BNC1: variants seen among roughly 807,000 people sequenced by gnomAD.
BNC1 encodes the protein zinc finger protein basonuclin-1.
Under a neutral mutation model 66.5 loss-of-function variants are expected in BNC1, and 8 were observed. The observed-to-expected ratio is 0.12, with a 90% CI of 0.07 to 0.22. BNC1 has a LOEUF of 0.22. BNC1 is among the 10% of genes least tolerant of loss of function. The pLI is 1.00. For missense variants in BNC1, 1,069 were observed against 1,241.3 expected, an observed-to-expected ratio of 0.86 and a Z score of 2.09; for synonymous variants, 454 against 452.6, an observed-to-expected ratio of 1.00 and a Z score of -0.04.
Position 83,263,181 on chromosome 15 carries a change from C to T in BNC1, c.2070G>A (p.Arg690=). The change falls in exon 4 of 5, where the codon AGG becomes AGA. Residue 690 remains arginine (R), a synonymous_variant. Coordinates refer to ENST00000345382, the MANE Select transcript of BNC1 (RefSeq NM_001717.4). ...CTTCAAGACAAGGAAAAGCCATTCC[C>T]CTGTTGGACAAAGCACTGAAGAGTC... ...AGGLFSALSN[R]GMAFPCLEDS... is the part of the protein sequence containing the mutation. 6.2e-7 allele frequency: 1 copy of T among 1,614,208 alleles called. No homozygotes were observed. The highest frequency in any genetic ancestry group is 8.5e-7 in the Non-Finnish European group (1 of 1,180,038).
intron 1 of BNC1, chr15:83,283,260 C>G: frequency 6.5e-7 from 1 of 1,534,428 alleles, no homozygotes; most frequent in South Asian, 1.2e-5. Context: ...ATCAGATCTC[C>G]TTCACTCGCC....
chr15:83,275,824 G>A (rs1807052251), intron 1 of BNC1, among the ~76,000 whole-genome samples: 1 of 152,132 alleles, frequency 6.6e-6, no homozygotes, highest in East Asian at 1.9e-4. Flanking sequence ...AGGTGTCAGA[G>A]ACCACTGTGC....
chr15:83,266,956 G>A lies in BNC1; in HGVS notation c.315C>T (p.Pro105=), dbSNP rs140144251. The A allele has an allele frequency of 1.6e-4, 257 of 1,614,108 alleles. 2 individuals are homozygous for A. The African/African-American group carries it at 2.4e-3, about 15-fold the overall frequency. ...GGTCCAGTAGGATTTTTAGGCGAACGGGGATGGCCTGGGTCCCATAGAGCA... is the reference window on the plus strand; with the variant it reads ...GGTCCAGTAGGATTTTTAGGCGAACAGGGATGGCCTGGGTCCCATAGAGCA... ...SLMLYGTQAI[P]VRLKILLDRL... is the part of the protein sequence containing the mutation. Residue 105 remains proline (P), a synonymous_variant, in exon 3 of 5, where the codon CCC becomes CCT. Coordinates refer to ENST00000345382, the MANE Select transcript of BNC1 (RefSeq NM_001717.4).
intron 3 of BNC1, among the ~76,000 whole-genome samples, chr15:83,265,608 C>T (rs952472257): frequency 5.3e-5 from 8 of 152,132 alleles, no homozygotes; most frequent in African/African-American, 1.2e-4. Context: ...TATGTCCTAA[C>T]GTAAGGTCAT....
chr15:83,281,150 C>T (rs973894259), intron 1 of BNC1, among the ~76,000 whole-genome samples: 3 of 152,100 alleles, frequency 2.0e-5, no homozygotes, highest in African/African-American at 4.8e-5. Context: ...GGCATGTGTC[C>T]GTGCAGAGAA....
rs2038085437 is a variant in BNC1 at position 83,257,367 on chromosome 15, G to A, written c.*75C>T. The A allele has an allele frequency of 6.9e-7, 1 of 1,458,916 alleles. No homozygotes were observed. The highest frequency in any genetic ancestry group is 1.4e-5 in the African/African-American group (1 of 70,272). The allele number at this position is 1,458,916 out of a possible 1,614,324, so 90.4% of individuals were successfully genotyped here. A position where few individuals can be genotyped will look rare whatever the true frequency, so the allele number is the denominator to read the frequency against. ...GACTCGCCCCAAATGATATGAAACA[G>A]AAACATTTCTATGGACTACTTTATT... On this transcript the variant is annotated 3_prime_UTR_variant, in exon 5 of 5. Coordinates refer to ENST00000345382, the MANE Select transcript of BNC1 (RefSeq NM_001717.4).
Position 83,281,686 on chromosome 15 carries a change from T to C in BNC1, c.99+2844A>G, listed in dbSNP as rs76415858. Among the ~76,000 whole-genome samples the C allele has an allele frequency of 3.9e-3, 601 of 152,312 alleles. 6 individuals are homozygous for C. Among genetic ancestry groups the C allele is most frequent in the South Asian group, 0.027 (128 of 4,822 alleles). ...GCTAAAAGACACTTCTGCCCCCCACTCCATAAGCTGCAGTTTAATTTTACT... is the reference window on the plus strand; with the variant it reads ...GCTAAAAGACACTTCTGCCCCCCACCCCATAAGCTGCAGTTTAATTTTACT... On this transcript the variant is annotated intron_variant, in intron 1 of 4. Coordinates refer to ENST00000345382, the MANE Select transcript of BNC1 (RefSeq NM_001717.4).
At position 83,256,074 on chromosome 15, in the gene BNC1, A is replaced by G. The variant is rs1414067324; in HGVS notation, c.*1368T>C. On this transcript the variant is annotated 3_prime_UTR_variant, in exon 5 of 5. Transcript: ENST00000345382. The stretch of plus-strand genomic sequence containing the variant: ...CACTTATTAAAACAAAAAAAGCTGA[A>G]ATAATTGGTAACAGGTTGTTGGCTT... The G allele has an allele frequency of 6.6e-6, 1 of 152,602 alleles. No individual in the cohort carries two copies. Among genetic ancestry groups the G allele is most frequent in the African/African-American group, 2.4e-5 (1 of 41,460 alleles). 9.5% of individuals were successfully genotyped at this position (152,602 alleles called of 1,614,324 possible).
chr15:83,284,233 A>C (rs2038418647), intron 1 of BNC1, among the ~76,000 whole-genome samples: 1 of 151,762 alleles, frequency 6.6e-6, no homozygotes, highest in Admixed American at 6.6e-5. Flanking sequence ...GCCGATTTCC[A>C]CAGGCTGGCC....
chr15:83,274,935 A>C (rs188779243), intron 1 of BNC1, among the ~76,000 whole-genome samples: 2 of 152,342 alleles, frequency 1.3e-5, no homozygotes, highest in Admixed American at 1.3e-4. Context: ...TTATGGTTTC[A>C]TTTAATTCCT....
rs559312436 is a variant in BNC1 at position 83,265,176 on chromosome 15, T to C, written c.436-361A>G. Among the ~76,000 whole-genome samples the C allele has an allele frequency of 1.1e-4, 16 of 152,332 alleles. No homozygotes were observed. In the South Asian group the frequency reaches 3.3e-3, roughly 32 times the overall value. On this transcript the variant is annotated intron_variant, in intron 3 of 4. Transcript: ENST00000345382. ...CTGCTAAAATTAAAATATGTATCATTTGAACAATAGTAACTTCTTTATCTA... is the reference window on the plus strand; with the variant it reads ...CTGCTAAAATTAAAATATGTATCATCTGAACAATAGTAACTTCTTTATCTA...
At chr15:83,271,000 G>A (rs558693390) in intron 1 of BNC1, among the ~76,000 whole-genome samples, 1 of 152,300 alleles carries the variant, frequency 6.6e-6, no homozygotes, top group South Asian at 2.1e-4. Flanking sequence ...CACAGGCTGG[G>A]TGCAGTGGCT....
intron 1 of BNC1, chr15:83,283,368 A>AGCAGCGGGAGACCCC: frequency 7.3e-7 from 1 of 1,367,314 alleles, no homozygotes; most frequent in South Asian, 1.6e-5. Context: ...GCTCCGGAGG[A>AGCAGCGGGAGACCCC]GCAGCGGGAG....
At chr15:83,258,248 G>A in intron 4 of BNC1, 122 bp from the exon 5 acceptor site, 1 of 1,028,418 alleles carries the variant, frequency 9.7e-7, no homozygotes, top group Non-Finnish European at 1.4e-6. Flanking sequence ...CGATGATAAG[G>A]GGGTAGGCCC....
chr15:83,283,037 G>T, intron 1 of BNC1: 3 of 1,377,112 alleles, frequency 2.2e-6, no homozygotes, highest in African/African-American at 1.4e-5. Context: ...AAAACCAGGG[G>T]ACGTTACCGA....
intron 1 of BNC1, among the ~76,000 whole-genome samples, chr15:83,277,402 C>T (rs991811275): frequency 2.6e-5 from 4 of 152,056 alleles, no homozygotes; most frequent in African/African-American, 7.2e-5. Flanking sequence ...TTCTGCCTCC[C>T]GGGTTCAAGT....
intron 4 of BNC1, among the ~76,000 whole-genome samples, chr15:83,258,390 T>A (rs1277683911): frequency 6.6e-6 from 1 of 152,218 alleles, no homozygotes; most frequent in African/African-American, 2.4e-5. Flanking sequence ...TTCCAGTGTC[T>A]GTTTGATGTA....
Position 83,258,112 on chromosome 15 carries a change from A to G in BNC1, c.2315T>C (p.Leu772Pro). 1.2e-6 allele frequency: 2 copies of G among 1,600,866 alleles called. No individual in the cohort carries two copies. Among genetic ancestry groups the G allele is most frequent in the Non-Finnish European group, 1.7e-6 (2 of 1,169,086 alleles). The change falls in exon 5 of 5, where the codon CTA (leucine) becomes CCA (proline). Residue 772 changes from leucine to proline, a missense_variant. Physicochemically the swap from Leu to Pro is moderately conservative, Grantham distance 98. This residue lies in a region of BNC1 where 657 missense variants were observed against 715.8 expected (regional missense o/e 0.92). Coordinates refer to ENST00000345382, the MANE Select transcript of BNC1 (RefSeq NM_001717.4). ...RRSRDRHSSN[L>P]NLHQKALSQE... ...GCTCAATGCTTTTTGGTGGAGGTTTAGGTTTGAGCTGTGTCTACAAGAGTG... is the reference window on the plus strand; with the variant it reads ...GCTCAATGCTTTTTGGTGGAGGTTTGGGTTTGAGCTGTGTCTACAAGAGTG...
chr15:83,258,275 C>T (rs1158633973), intron 4 of BNC1, 149 bp from the exon 5 acceptor site: 3 of 792,354 alleles, frequency 3.8e-6, no homozygotes, highest in South Asian at 1.9e-5. Context: ...GATGTAACAC[C>T]TGTCTGGTGG....
Sources: gnomAD v4.1 joint callset for allele counts (sites outside exome capture counted in the v4.1 genomes callset) on GRCh38, gnomAD v4.1.1 for gene constraint, gnomAD v4.1.1 regional missense constraint, MANE v1.5 for transcripts, NCBI Gene and HGNC (gene_info 2026-07-23, HGNC 2026-07-21) for gene names.